SLC4A4: variants seen among roughly 807,000 people sequenced by gnomAD.
SLC4A4 encodes the protein solute carrier family 4 member 4.
Under a neutral mutation model 111.5 loss-of-function variants are expected in SLC4A4, and 27 were observed. The observed-to-expected ratio is 0.24, with a 90% confidence interval of 0.18 to 0.33. The LOEUF (loss-of-function observed/expected upper bound fraction) is 0.33. Among genes scored for constraint, SLC4A4 ranks in the 10% least tolerant of loss-of-function variants. SLC4A4 has a pLI of 1.00. For synonymous variants in SLC4A4, 443 were observed against 463.4 expected, an observed-to-expected ratio of 0.96 and a Z score of 0.57; for missense variants, 909 against 1,315.5, an observed-to-expected ratio of 0.69 and a Z score of 4.78.
intron 5 of SLC4A4, among the ~76,000 whole-genome samples, chr4:71,354,284 G>T (rs532332382): frequency 6.6e-6 from 1 of 152,236 alleles, no homozygotes; most frequent in South Asian, 2.1e-4. Context: ...ATATTTAAAG[G>T]CATTCCTGAG....
intron 1 of SLC4A4, among the ~76,000 whole-genome samples, chr4:71,195,900 A>G (rs965387096): frequency 6.6e-6 from 1 of 152,340 alleles, no homozygotes; most frequent in Admixed American, 6.5e-5. Flanking sequence ...AAATATTCCT[A>G]ATGTCTCTAA....
At chr4:71,182,044 T>C (rs1745310147) in intron 2 of SLC4A4, among the ~76,000 whole-genome samples, 1 of 152,220 alleles carries the variant, frequency 6.6e-6, no homozygotes, top group Non-Finnish European at 1.5e-5. Flanking sequence ...TCCAAGATAA[T>C]GGACATTATT....
At chr4:71,554,645 A>G (rs1231071532) in intron 20 of SLC4A4, among the ~76,000 whole-genome samples, 1 of 151,738 alleles carries the variant, frequency 6.6e-6, no homozygotes, top group Non-Finnish European at 1.5e-5. Flanking sequence ...TTTGATGTTT[A>G]TTTTATTGAA....
intron 6 of SLC4A4, among the ~76,000 whole-genome samples, chr4:71,377,931 G>C (rs908969921): frequency 6.6e-6 from 1 of 152,172 alleles, no homozygotes; most frequent in Non-Finnish European, 1.5e-5. Context: ...GAACGCCTCA[G>C]AATCATGGCG....
Position 71,339,465 on chromosome 4 carries a change from G to C in SLC4A4, c.349G>C (p.Ala117Pro). The C allele has an allele frequency of 6.2e-7, 1 of 1,614,066 alleles. No homozygotes were observed. The highest frequency in any genetic ancestry group is 8.5e-7 in the Non-Finnish European group (1 of 1,180,040). The change falls in exon 4 of 26, where the codon GCC (alanine) becomes CCC (proline). Residue 117 changes from alanine (A) to proline (P), a missense_variant. Transcript: ENST00000264485. ...QLFTELDELLAVDGQEMEWKE... is the reference protein window; with the variant it reads ...QLFTELDELLPVDGQEMEWKE... Reference sequence around the variant, plus strand: ...CTTCACGGAACTGGATGAGCTGCTGGCCGTGGATGGGCAGGAGATGGAGTG... The same window carrying C: ...CTTCACGGAACTGGATGAGCTGCTGCCCGTGGATGGGCAGGAGATGGAGTG...
chr4:71,466,695 T>C (rs1302433942), intron 13 of SLC4A4, 118 bp downstream of exon 13: 12 of 1,072,146 alleles, frequency 1.1e-5, no homozygotes, highest in Non-Finnish European at 1.7e-5. Flanking sequence ...AATACTGGAA[T>C]GTTCAGATGT....
intron 2 of SLC4A4, among the ~76,000 whole-genome samples, chr4:71,102,599 G>C (rs1344114061): frequency 6.6e-6 from 1 of 151,794 alleles, no homozygotes; most frequent in South Asian, 2.1e-4. Flanking sequence ...AGCCAGAAGA[G>C]AGTGGGGGCC....
intron 1 of SLC4A4, among the ~76,000 whole-genome samples, chr4:71,079,050 C>T (rs1209360858): frequency 2.0e-5 from 3 of 152,134 alleles, no homozygotes. Flanking sequence ...AACTCCTGAC[C>T]TCAAGTGATC....
At chr4:71,112,875 C>T (rs755246433) in intron 2 of SLC4A4, among the ~76,000 whole-genome samples, 4 of 152,154 alleles carry the variant, frequency 2.6e-5, no homozygotes, top group Non-Finnish European at 5.9e-5. Flanking sequence ...ATTTAGTGAT[C>T]ATTCTTGAGA....
chr4:71,198,031 A>G (rs1746083516), intron 1 of SLC4A4, among the ~76,000 whole-genome samples: 1 of 152,234 alleles, frequency 6.6e-6, no homozygotes, highest in Non-Finnish European at 1.5e-5. Flanking sequence ...TTGAAGTCCA[A>G]ATGTTGTTCC....
At chr4:71,455,486 C>T (rs1429555348) in intron 12 of SLC4A4, among the ~76,000 whole-genome samples, 2 of 151,998 alleles carry the variant, frequency 1.3e-5, no homozygotes, top group South Asian at 2.1e-4. Context: ...TAAAACAGAT[C>T]GTTCAAGAAA....
intron 6 of SLC4A4, 103 bp from the exon 7 acceptor site, chr4:71,397,474 C>T: frequency 9.8e-7 from 1 of 1,024,004 alleles, no homozygotes; most frequent in Non-Finnish European, 1.5e-6. Flanking sequence ...AAAGTATCAT[C>T]ACCATTTCCA....
chr4:71,096,201 G>C (rs561583320), intron 2 of SLC4A4, among the ~76,000 whole-genome samples: 1 of 152,242 alleles, frequency 6.6e-6, no homozygotes, highest in Non-Finnish European at 1.5e-5. Context: ...GACTCACAAA[G>C]GTAGAAAATA....
chr4:71,217,284 T>C (rs1313192439), intron 1 of SLC4A4, among the ~76,000 whole-genome samples: 1 of 152,110 alleles, frequency 6.6e-6, no homozygotes, highest in Non-Finnish European at 1.5e-5. Flanking sequence ...ATGGCAGTTA[T>C]GGGCTGGGTG....
At chr4:71,540,385 A>G (rs1482626936) in intron 18 of SLC4A4, among the ~76,000 whole-genome samples, 2 of 152,338 alleles carry the variant, frequency 1.3e-5, no homozygotes, top group Admixed American at 1.3e-4. Context: ...ACTCTGTATT[A>G]GTAAAGCATA....
chr4:71,157,936 A>G (rs1209322687), intron 2 of SLC4A4, among the ~76,000 whole-genome samples: 1 of 152,166 alleles, frequency 6.6e-6, no homozygotes, highest in African/African-American at 2.4e-5. Flanking sequence ...CCATATTTTC[A>G]GTTAAAATTT....
intron 2 of SLC4A4, among the ~76,000 whole-genome samples, chr4:71,093,883 C>T (rs1325935165): frequency 6.6e-6 from 1 of 152,048 alleles, no homozygotes; most frequent in Non-Finnish European, 1.5e-5. Context: ...TAATGAGACA[C>T]CATTTGGGAT....
chr4:71,210,057 C>A (rs1443102884), intron 1 of SLC4A4, among the ~76,000 whole-genome samples: 1 of 152,166 alleles, frequency 6.6e-6, no homozygotes, highest in African/African-American at 2.4e-5. Flanking sequence ...TCTTTTGAAG[C>A]CTGCCATGCT....
At chr4:71,267,268 G>A (rs1722337491) in intron 3 of SLC4A4, among the ~76,000 whole-genome samples, 1 of 152,136 alleles carries the variant, frequency 6.6e-6, no homozygotes, top group Non-Finnish European at 1.5e-5. Context: ...ATAAAAGGTA[G>A]GTTCTGATCA....
Sources: allele counts gnomAD v4.1 joint callset (sites outside exome capture counted in the v4.1 genomes callset), GRCh38; gene constraint gnomAD v4.1.1; transcripts MANE v1.5; gene names NCBI Gene and HGNC (gene_info 2026-07-23, HGNC 2026-07-21).